The following QTMAN variants were observed in gnomAD, a reference collection of about 807,000 sequenced individuals.
The protein encoded by QTMAN is queuosine-tRNA mannosyltransferase, also known as tRNA-queuosine alpha-mannosyltransferase.
chr2:144,113,581 G>A, the QTMAN span, among the ~76,000 whole-genome samples: 3 of 152,212 alleles, frequency 2.0e-5, no homozygotes, highest in African/African-American at 7.2e-5. Context: ...TTTGGCAAAA[G>A]CCAAGATCTG....
chr2:143,974,210 C>A, the QTMAN span, among the ~76,000 whole-genome samples: 3 of 152,054 alleles, frequency 2.0e-5, no homozygotes, highest in Non-Finnish European at 4.4e-5. Flanking sequence ...TTTATGGGCT[C>A]CTAAACACTC....
At chr2:144,194,513 G>A in the QTMAN span, among the ~76,000 whole-genome samples, 2 of 152,124 alleles carry the variant, frequency 1.3e-5, no homozygotes, top group African/African-American at 2.4e-5. Flanking sequence ...ACACTGCGTG[G>A]GCTAATATTT....
chr2:144,102,437 G>A, the QTMAN span, among the ~76,000 whole-genome samples: 1 of 152,176 alleles, frequency 6.6e-6, no homozygotes, highest in Non-Finnish European at 1.5e-5. Context: ...TTATGGGGTT[G>A]TTTTACTTTT....
the QTMAN span, among the ~76,000 whole-genome samples, chr2:144,182,799 T>A: frequency 1.6e-3 from 22 of 13,392 alleles, no homozygotes; most frequent in South Asian, 9.9e-3. Flanking sequence ...ATATATATAT[T>A]ATATATATAA....
At chr2:144,113,622 C>A in the QTMAN span, among the ~76,000 whole-genome samples, 2 of 152,290 alleles carry the variant, frequency 1.3e-5, no homozygotes, top group Admixed American at 6.5e-5. Context: ...AACTCTAAAC[C>A]AGGTAAATCC....
the QTMAN span, among the ~76,000 whole-genome samples, chr2:144,198,569 A>C: frequency 9.8e-5 from 15 of 152,318 alleles, no homozygotes; most frequent in Admixed American, 7.2e-4. Context: ...AAGAAGAGTC[A>C]AGGACGCAGG....
chr2:144,125,478 C>T, the QTMAN span, among the ~76,000 whole-genome samples: 1 of 151,964 alleles, frequency 6.6e-6, no homozygotes, highest in African/African-American at 2.4e-5. Context: ...CACTATTATC[C>T]TTCACTTCGT....
At chr2:143,991,892 C>T in the QTMAN span, among the ~76,000 whole-genome samples, 6 of 150,062 alleles carry the variant, frequency 4.0e-5, no homozygotes, top group African/African-American at 1.2e-4. Flanking sequence ...GGCCAGCCAC[C>T]CCGTCCGGGA....
chr2:143,968,064 C>T, the QTMAN span, among the ~76,000 whole-genome samples: 2 of 152,148 alleles, frequency 1.3e-5, no homozygotes, highest in East Asian at 1.9e-4. Flanking sequence ...ACCAGCAAAG[C>T]GGCCTTCTAA....
At chr2:144,177,265 A>AC in the QTMAN span, 1 of 664,476 alleles carries the variant, frequency 1.5e-6, no homozygotes, top group Non-Finnish European at 2.7e-6. Flanking sequence ...AAAAAAAAAA[A>AC]ACATTGTTTT....
the QTMAN span, among the ~76,000 whole-genome samples, chr2:144,321,789 G>A: frequency 1.3e-5 from 2 of 151,746 alleles, no homozygotes; most frequent in African/African-American, 2.4e-5. Flanking sequence ...TAAATTTTTT[G>A]TAGAGATGGG....
the QTMAN span, among the ~76,000 whole-genome samples, chr2:143,992,094 G>A: frequency 1.5e-4 from 23 of 152,252 alleles, no homozygotes; most frequent in South Asian, 2.5e-3. Flanking sequence ...AATAGAAAGC[G>A]GGGAAAGGTG....
At chr2:143,944,817 AG>A in the QTMAN span, 4 of 152,234 alleles carry the variant, frequency 2.6e-5, no homozygotes, top group African/African-American at 9.6e-5. Flanking sequence ...TTATGAGTGT[AG>A]AAAAAAATGC....
At chr2:143,986,733 A>T in the QTMAN span, among the ~76,000 whole-genome samples, 1 of 152,234 alleles carries the variant, frequency 6.6e-6, no homozygotes, top group Non-Finnish European at 1.5e-5. Context: ...TTGGGGACAT[A>T]ACACATTAAG....
At chr2:144,117,887 C>G in the QTMAN span, among the ~76,000 whole-genome samples, 1 of 151,470 alleles carries the variant, frequency 6.6e-6, no homozygotes, top group South Asian at 2.1e-4. Context: ...ACTCTGTTGC[C>G]CAGGCTGGAG....
At chr2:144,123,125 T>G in the QTMAN span, among the ~76,000 whole-genome samples, 1 of 152,298 alleles carries the variant, frequency 6.6e-6, no homozygotes, top group African/African-American at 2.4e-5. Flanking sequence ...TCTATAAGGA[T>G]TTAAAAGCCA....
chr2:144,100,654 T>C, the QTMAN span, among the ~76,000 whole-genome samples: 2 of 152,170 alleles, frequency 1.3e-5, no homozygotes, highest in Non-Finnish European at 2.9e-5. Flanking sequence ...AATTTATACT[T>C]GGAGACATCC....
chr2:144,020,631 C>G, the QTMAN span, among the ~76,000 whole-genome samples: 1 of 152,200 alleles, frequency 6.6e-6, no homozygotes, highest in Non-Finnish European at 1.5e-5. Context: ...CAGACCCCCA[C>G]AGTCTCCCTG....
chr2:143,970,994 C>T, the QTMAN span, among the ~76,000 whole-genome samples: 1 of 152,098 alleles, frequency 6.6e-6, no homozygotes, highest in Non-Finnish European at 1.5e-5. Context: ...AGTTTTAAGG[C>T]TCTGCAGCCT....
Sources: allele counts gnomAD v4.1 joint callset (sites outside exome capture counted in the v4.1 genomes callset), GRCh38; gene constraint gnomAD v4.1.1; transcripts MANE v1.5; gene names NCBI Gene and HGNC (gene_info 2026-07-23, HGNC 2026-07-21).